The following GNPTAB variants were observed in gnomAD, a reference collection of about 807,000 sequenced individuals.
GNPTAB encodes the protein N-acetylglucosamine-1-phosphotransferase subunits alpha/beta.
In GNPTAB, 92 loss-of-function variants were observed where a neutral mutation model predicts 136.6. The ratio of observed to expected loss-of-function variants is 0.67; its 90% confidence interval spans 0.57 to 0.80. GNPTAB has a LOEUF of 0.80. GNPTAB is among the 30% of genes least tolerant of loss of function. GNPTAB has a pLI of 0.00. For synonymous variants in GNPTAB, 512 were observed against 535.1 expected (o/e 0.96, Z 0.60); for missense variants, 1,343 against 1,501.8 (o/e 0.89, Z 1.75).
In GNPTAB at chr12:101,768,147, C is replaced by T. The variant is rs398124397; in HGVS notation, c.1298G>A (p.Trp433Ter). 6.2e-7 allele frequency: 1 copy of T among 1,614,132 alleles called. No individual in the cohort carries two copies. The highest frequency in any genetic ancestry group is 1.7e-5 in the Admixed American group (1 of 60,018). Residue 433 changes from tryptophan to a stop codon, truncating the protein, a stop_gained, in exon 11 of 21, where the codon TGG becomes TAG. Transcript: ENST00000299314. LOFTEE classifies it high-confidence loss of function. Reference protein sequence around the residue: ...HSKGQKVYLTWPVPNCAEGCP... With the variant: ...HSKGQKVYLT ...GCCCTCGGCACAGTTTGGCACAGGC[C>T]ATGTCAAATAAACCTACGATAAAAC...
In GNPTAB at chr12:101,768,062, G is replaced by T; in HGVS notation, c.1383C>A (p.Cys461Ter). Reference sequence around the variant, plus strand: ...CAGAGCAATCCCCACCATCCCAATCGCAGGCTGAATTATTACAAGCCTTGT... The same window carrying T: ...CAGAGCAATCCCCACCATCCCAATCTCAGGCTGAATTATTACAAGCCTTGT... ...YCDKACNNSACDWDGGDCSGN... is the reference protein window; with the variant it reads ...YCDKACNNSA The change falls in exon 11 of 21, where the codon TGC becomes TGA. Residue 461 changes from cysteine (C) to a stop codon, truncating the protein, a stop_gained. Coordinates refer to ENST00000299314, the MANE Select transcript of GNPTAB (RefSeq NM_024312.5). LOFTEE classifies it high-confidence loss of function. The T allele has an allele frequency of 6.2e-7, 1 of 1,613,984 alleles. No homozygotes were observed. The highest frequency in any genetic ancestry group is 8.5e-7 in the Non-Finnish European group (1 of 1,179,882).
intron 1 of GNPTAB, among the ~76,000 whole-genome samples, chr12:101,798,163 C>T (rs1174465113): frequency 6.6e-6 from 1 of 152,176 alleles, no homozygotes. Context: ...TTTTCCTCAT[C>T]TCTTACTCAA....
rs753133326 is a variant in GNPTAB at position 101,749,080 on chromosome 12, CATAA to C, written c.3693+17_3693+20del. ...ACCAAGAAATACCATTTAATACCCA[CATAA>C]AATATATAAAACTTACCTGCTCAGC... On this transcript the variant is annotated intron_variant, in intron 20 of 20. Coordinates refer to ENST00000299314, the MANE Select transcript of GNPTAB (RefSeq NM_024312.5). 7.7e-7 allele frequency: 1 copy of C among 1,298,506 alleles called. No homozygotes were observed. The highest frequency in any genetic ancestry group is 1.1e-6 in the Non-Finnish European group (1 of 892,636). 80.4% of individuals were successfully genotyped at this position (1,298,506 alleles called of 1,614,324 possible).
In GNPTAB at chr12:101,820,529, G is replaced by C. The variant is rs1267597797; in HGVS notation, c.117+10030C>G. Among the ~76,000 whole-genome samples, 3 of 152,152 alleles carry C rather than the reference G, an allele frequency of 2.0e-5. No homozygotes were observed. In the East Asian group the frequency reaches 5.8e-4, roughly 29 times the overall value. On this transcript the variant is annotated intron_variant, in intron 1 of 20. Transcript: ENST00000299314. ...TTGGGCTGGATGATTCTTTGTTGTA[G>C]GGGCTGTCCTGTGCACTATAGGATG...
intron 11 of GNPTAB, among the ~76,000 whole-genome samples, chr12:101,767,075 C>T (rs977267301): frequency 6.6e-6 from 1 of 152,164 alleles, no homozygotes; most frequent in African/African-American, 2.4e-5. Flanking sequence ...TCAGCTAAAG[C>T]GCATCTGACA....
At chr12:101,752,839 G>T (rs184336440) in intron 19 of GNPTAB, among the ~76,000 whole-genome samples, 1 of 152,182 alleles carries the variant, frequency 6.6e-6, no homozygotes, top group African/African-American at 2.4e-5. Context: ...TAGACTGAAA[G>T]AACCCAGTTA....
intron 1 of GNPTAB, among the ~76,000 whole-genome samples, chr12:101,807,792 TGGC>T (rs1870008625): frequency 6.6e-6 from 1 of 152,036 alleles, no homozygotes; most frequent in African/African-American, 2.4e-5. Context: ...TAGCCAGGTG[TGGC>T]GGCGCACACT....
Position 101,770,587 on chromosome 12 carries a change from T to C in GNPTAB, c.934-2A>G. 1.2e-6 allele frequency: 2 copies of C among 1,609,244 alleles called. No homozygotes were observed. Among genetic ancestry groups the C allele is most frequent in the East Asian group, 2.2e-5 (1 of 44,852 alleles). On this transcript the variant is annotated splice_acceptor_variant, in intron 8 of 20. Transcript: ENST00000299314. LOFTEE classifies it high-confidence loss of function. ...AGAGATGTCTTCATCCTGCTTAGAC[T>C]GAGAAAAACACTTGGCATATGAAGA... is the stretch of plus-strand genomic sequence containing the variant.
At chr12:101,765,601 G>C in intron 12 of GNPTAB, 1 of 404,542 alleles carries the variant, frequency 2.5e-6, no homozygotes. Context: ...TTCACTATCT[G>C]AGGCAGTCAC....
In GNPTAB at chr12:101,761,111, T is replaced by A. The variant is rs374135812; in HGVS notation, c.3135+16A>T. The A allele has an allele frequency of 3.8e-6, 6 of 1,573,900 alleles. No homozygotes were observed. Among genetic ancestry groups the A allele is most frequent in the Non-Finnish European group, 5.2e-6 (6 of 1,144,434 alleles). Reference sequence around the variant, plus strand: ...ATTTAAAACATCAAAAAGTTTAGAATAAGACAATACAACACCTGCAAACTT... The same window carrying A: ...ATTTAAAACATCAAAAAGTTTAGAAAAAGACAATACAACACCTGCAAACTT... On this transcript the variant is annotated intron_variant, in intron 15 of 20. Transcript: ENST00000299314.
chr12:101,817,213 G>T (rs1870551794), intron 1 of GNPTAB, among the ~76,000 whole-genome samples: 1 of 150,318 alleles, frequency 6.7e-6, no homozygotes, highest in South Asian at 2.1e-4. Flanking sequence ...ACAAAGAAAT[G>T]ATACATGGTT....
chr12:101,783,199 C>T (rs545775251), intron 5 of GNPTAB, among the ~76,000 whole-genome samples: 3 of 151,936 alleles, frequency 2.0e-5, no homozygotes, highest in Admixed American at 2.0e-4. Context: ...GTACAGGGAA[C>T]AGTACCTGGC....
chr12:101,828,307 T>C (rs75756842), intron 1 of GNPTAB, among the ~76,000 whole-genome samples: 1,538 of 152,220 alleles, frequency 0.01, 29 homozygotes, highest in African/African-American at 0.035. Flanking sequence ...AGGTTAAATA[T>C]CCTTCCCAAG....
Position 101,755,245 on chromosome 12 carries a change from G to A in GNPTAB, c.3435-1706C>T, listed in dbSNP as rs1007560700. Reference sequence around the variant, plus strand: ...AGATGAAACAAGGTCAAATAGAAATGGAAGTAAATAAATATAAATCACTTG... The same window carrying A: ...AGATGAAACAAGGTCAAATAGAAATAGAAGTAAATAAATATAAATCACTTG... On this transcript the variant is annotated intron_variant, in intron 18 of 20. Coordinates refer to ENST00000299314, the MANE Select transcript of GNPTAB (RefSeq NM_024312.5). Among the ~76,000 whole-genome samples, 3 of 152,132 alleles carry A rather than the reference G, an allele frequency of 2.0e-5. No homozygotes were observed. In the East Asian group the frequency reaches 5.8e-4, roughly 29 times the overall value.
rs1224425127 is a variant in GNPTAB at position 101,757,637 on chromosome 12, T to C, written c.3270A>G (p.Leu1090=). 6.3e-7 allele frequency: 1 copy of C among 1,577,224 alleles called. No individual in the cohort carries two copies. The highest frequency in any genetic ancestry group is 8.7e-7 in the Non-Finnish European group (1 of 1,146,806). The change falls in exon 17 of 21, where the codon CTA becomes CTG. Residue 1090 remains leucine, a synonymous_variant. Transcript: ENST00000299314. ...CAGTTACTGGTTTACAGTTTGTTAC[T>C]AGACTTTTAGTGACCGGTGGCTATG... ...DPNLPPVTKS[L]VTNCKPVTDK...
At chr12:101,799,197 C>G (rs549354996) in intron 1 of GNPTAB, among the ~76,000 whole-genome samples, 35 of 152,162 alleles carry the variant, frequency 2.3e-4, no homozygotes, top group African/African-American at 8.4e-4. Context: ...TACAGACTAA[C>G]ATAATGCAAG....
chr12:101,803,566 T>A (rs1445341480), intron 1 of GNPTAB, among the ~76,000 whole-genome samples: 1 of 152,198 alleles, frequency 6.6e-6, no homozygotes, highest in Non-Finnish European at 1.5e-5. Context: ...CACTATTTAG[T>A]CAAACACTAA....
chr12:101,813,887 T>C (rs962219524), intron 1 of GNPTAB, among the ~76,000 whole-genome samples: 2 of 152,106 alleles, frequency 1.3e-5, no homozygotes, highest in Non-Finnish European at 2.9e-5. Context: ...GAGACCAGCC[T>C]GGCCAATATG....
rs748973755 is a variant in GNPTAB at position 101,780,538 on chromosome 12, T to C, written c.636+19A>G. ...TTCTAGTCTATTGTAAAAATGCAAT[T>C]AAATTTAAAATAACATACCAAGTAG... is the stretch of plus-strand genomic sequence containing the variant. On this transcript the variant is annotated intron_variant, in intron 6 of 20. Coordinates refer to ENST00000299314, the MANE Select transcript of GNPTAB (RefSeq NM_024312.5). The C allele has an allele frequency of 6.4e-6, 10 of 1,558,250 alleles. No homozygotes were observed. Among genetic ancestry groups the C allele is most frequent in the Non-Finnish European group, 8.8e-6 (10 of 1,130,518 alleles).
Sources: allele counts gnomAD v4.1 joint callset (sites outside exome capture counted in the v4.1 genomes callset), GRCh38; gene constraint gnomAD v4.1.1; transcripts MANE v1.5; gene names NCBI Gene and HGNC (gene_info 2026-07-23, HGNC 2026-07-21).